KIF19: variants seen among roughly 807,000 people sequenced by gnomAD.
The protein encoded by KIF19 is kinesin-like protein KIF19.
A neutral mutation model predicts 106.6 loss-of-function variants in KIF19; 98 were observed. The observed-to-expected ratio is 0.92, with a 90% CI of 0.78 to 1.09. The LOEUF (loss-of-function observed/expected upper bound fraction) is 1.09, where lower values mean the gene tolerates loss of function less well. Among genes scored for constraint, KIF19 ranks in the 50% least tolerant of loss-of-function variants. KIF19 has a pLI of 0.00. For synonymous variants in KIF19, 516 were observed against 584.2 expected (o/e 0.88, Z 1.68); for missense variants, 1,373 against 1,414.3 (o/e 0.97, Z 0.47).
At chr17:74,345,021 A>G in intron 7 of KIF19, 66 bp downstream of exon 7, 2 of 1,439,164 alleles carry the variant, frequency 1.4e-6, no homozygotes, top group Non-Finnish European at 9.4e-7. Context: ...GAGGGCAGGA[A>G]TGGTGACTCC....
rs1340700733 is a variant in KIF19, at chr17:74,354,567, G to A, written c.2706+8G>A. 3.8e-6 allele frequency: 6 copies of A among 1,585,004 alleles called. No homozygotes were observed. Among genetic ancestry groups the A allele is most frequent in the East Asian group, 4.6e-5 (2 of 43,718 alleles). On this transcript the variant is annotated splice_region_variant and intron_variant, in intron 18 of 19. Coordinates refer to ENST00000389916, the MANE Select transcript of KIF19 (RefSeq NM_153209.4). ...GAGGTCACCGGGCAAGGGGTGAGGC[G>A]AGGCGCAGGGGTGGGTGTCTAGGCA...
chr17:74,340,910 T>A (rs1270385303), intron 2 of KIF19, among the ~76,000 whole-genome samples: 2 of 152,142 alleles, frequency 1.3e-5, no homozygotes, highest in African/African-American at 4.8e-5. Flanking sequence ...CAGAGCCTGG[T>A]TGGCACCCTG....
In KIF19 at chr17:74,353,541, C is replaced by T. The variant is rs539335273; in HGVS notation, c.2268C>T (p.Asp756=). Residue 756 remains aspartate, a synonymous_variant, in exon 17 of 20, where the codon GAC becomes GAT. Coordinates refer to ENST00000389916, the MANE Select transcript of KIF19 (RefSeq NM_153209.4). The part of the protein sequence containing the change: ...SLGSWINSSP[D]SSENLSEIPL... ...GCAGCTGGATCAACTCTTCCCCTGA[C>T]AGCAGTGAGAACCTGTCGGAGATCC... The T allele has an allele frequency of 5.0e-6, 8 of 1,613,892 alleles. No individual in the cohort carries two copies. The highest frequency in any genetic ancestry group is 1.3e-5 in the African/African-American group (1 of 75,058).
intron 2 of KIF19, among the ~76,000 whole-genome samples, chr17:74,338,211 T>C (rs1388804709): frequency 2.0e-5 from 3 of 152,214 alleles, no homozygotes; most frequent in East Asian, 3.9e-4. Flanking sequence ...AACACCGGCA[T>C]TGGGATGAGA....
At chr17:74,335,955 C>T (rs1026907299) in intron 2 of KIF19, among the ~76,000 whole-genome samples, 1 of 152,196 alleles carries the variant, frequency 6.6e-6, no homozygotes, top group Non-Finnish European at 1.5e-5. Context: ...TAGCAAAGTG[C>T]CACACACTGT....
chr17:74,345,667 G>C (rs1007648075), intron 7 of KIF19, among the ~76,000 whole-genome samples: 2 of 152,170 alleles, frequency 1.3e-5, no homozygotes, highest in African/African-American at 4.8e-5. Context: ...GCTGGCACTG[G>C]AACAAATGCA....
intron 2 of KIF19, among the ~76,000 whole-genome samples, chr17:74,330,277 C>A (rs1329534178): frequency 1.3e-5 from 2 of 152,188 alleles, no homozygotes; most frequent in South Asian, 4.1e-4. Context: ...CTTCCAGGAG[C>A]TTCAGTTGCC....
chr17:74,353,711 G>A (rs1048844230), intron 17 of KIF19, 130 bp downstream of exon 17: 5 of 740,020 alleles, frequency 6.8e-6, no homozygotes, highest in African/African-American at 3.5e-5. Flanking sequence ...TACACATTCT[G>A]TAGAGGCACC....
At chr17:74,335,665 G>T (rs1466554980) in intron 2 of KIF19, among the ~76,000 whole-genome samples, 1 of 152,288 alleles carries the variant, frequency 6.6e-6, no homozygotes, top group Non-Finnish European at 1.5e-5. Flanking sequence ...GGAGCCTGGA[G>T]CTGCAGCAGC....
chr17:74,353,558 C>T lies in KIF19; in HGVS notation c.2285C>T (p.Ser762Leu), dbSNP rs368925164. ...TCCCCTGACAGCAGTGAGAACCTGT[C>T]GGAGATCCCCTTGTCCCACAAAGGT... Reference protein sequence around the residue: ...NSSPDSSENLSEIPLSHKERK... With the variant: ...NSSPDSSENLLEIPLSHKERK... Residue 762 changes from serine (S) to leucine (L), a missense_variant, in exon 17 of 20, where the codon TCG (serine) becomes TTG (leucine). Coordinates refer to ENST00000389916, the MANE Select transcript of KIF19 (RefSeq NM_153209.4). The T allele has an allele frequency of 1.9e-5, 30 of 1,613,640 alleles. No individual in the cohort carries two copies. In the Admixed American group the frequency reaches 2.3e-4, roughly 13 times the overall value.
chr17:74,353,084 G>T, intron 15 of KIF19, 112 bp from the exon 16 acceptor site: 1 of 1,401,516 alleles, frequency 7.1e-7, no homozygotes, highest in Non-Finnish European at 9.9e-7. Flanking sequence ...CTGGAGCCAG[G>T]ACTCCTGGGT....
rs2054865628 is a variant in KIF19 at position 74,355,668 on chromosome 17, G to C, written c.*356G>C. ...ACGGGGCTCCTGGCCCACGTGTGGGGCACGGGCATCCTGGATGGTTGGGGA... is the reference window on the plus strand; with the variant it reads ...ACGGGGCTCCTGGCCCACGTGTGGGCCACGGGCATCCTGGATGGTTGGGGA... On this transcript the variant is annotated 3_prime_UTR_variant, in exon 20 of 20. Transcript: ENST00000389916. 1 of 201,412 alleles carries C rather than the reference G, an allele frequency of 5.0e-6. No homozygotes were observed. The highest frequency in any genetic ancestry group is 1.0e-5 in the Non-Finnish European group (1 of 100,482). 12.5% of individuals were successfully genotyped at this position (201,412 alleles called of 1,614,324 possible). A position where few individuals can be genotyped will look rare whatever the true frequency, so the allele number is the denominator to read the frequency against.
At chr17:74,353,854 C>T (rs1032398343) in intron 17 of KIF19, among the ~76,000 whole-genome samples, 9 of 152,208 alleles carry the variant, frequency 5.9e-5, no homozygotes, top group Admixed American at 2.0e-4. Context: ...CCCCCTCCCC[C>T]GCCGCCTCCG....
At position 74,346,091 on chromosome 17, in the gene KIF19, A is replaced by G. The variant is rs1339919557; in HGVS notation, c.778-287A>G. Among the ~76,000 whole-genome samples, 1 of 152,112 alleles carries G rather than the reference A, an allele frequency of 6.6e-6. No individual in the cohort carries two copies. The highest frequency in any genetic ancestry group is 1.5e-5 in the Non-Finnish European group (1 of 68,004). ...CTGCCTGGAAAGCAACCTCCCTCCC[A>G]TCTCATCCATGGCACTGTGTGTCAG... is the stretch of plus-strand genomic sequence containing the variant. On this transcript the variant is annotated intron_variant, in intron 7 of 19. Coordinates refer to ENST00000389916, the MANE Select transcript of KIF19 (RefSeq NM_153209.4). This position sits in a 1 kb window ranked among gnomAD's most constrained non-coding sequence, Gnocchi z 4.6.
intron 11 of KIF19, 28 bp from the exon 12 acceptor site, chr17:74,350,679 C>A: frequency 6.2e-7 from 1 of 1,612,964 alleles, no homozygotes; most frequent in Non-Finnish European, 8.5e-7. Flanking sequence ...GCCTGAATGC[C>A]CTGTCTCTCT....
intron 2 of KIF19, among the ~76,000 whole-genome samples, chr17:74,339,952 G>A (rs942611558): frequency 6.6e-6 from 1 of 152,150 alleles, no homozygotes; most frequent in South Asian, 2.1e-4. Flanking sequence ...TCATGGGTGC[G>A]GGGAACAGGT....
Position 74,332,198 on chromosome 17 carries a change from GTGTGTGTGTGTT to G in KIF19, c.120+3705_120+3716del, listed in dbSNP as rs1276891385. On this transcript the variant is annotated intron_variant, in intron 2 of 19. Coordinates refer to ENST00000389916, the MANE Select transcript of KIF19 (RefSeq NM_153209.4). ...CACCTCAGTGTGTGTGTGTGTGTGTGTGTGTGTGTGTTTGTGTGTGTGTGTGTGTGTGTGTGT... is the reference window on the plus strand; with the variant it reads ...CACCTCAGTGTGTGTGTGTGTGTGTGTGTGTGTGTGTGTGTGTGTGTGTGT... 2.0e-3 allele frequency among the ~76,000 whole-genome samples: 138 copies of G among 70,292 alleles called. 1 individual carries two copies. Among genetic ancestry groups the G allele is most frequent in the African/African-American group, 5.3e-3 (92 of 17,468 alleles). The allele number at this position is 70,292 out of a possible 152,430, so 46.1% of individuals were successfully genotyped here.
chr17:74,353,399 GGCACCA>G, intron 16 of KIF19, 89 bp from the exon 17 acceptor site: 1 of 1,452,038 alleles, frequency 6.9e-7, no homozygotes, highest in East Asian at 2.4e-5. Context: ...TTTCCCAAAC[GGCACCA>G]GCTTGAGGCC....
At chr17:74,330,599 G>A (rs1313878658) in intron 2 of KIF19, among the ~76,000 whole-genome samples, 1 of 152,208 alleles carries the variant, frequency 6.6e-6, no homozygotes, top group African/African-American at 2.4e-5. Context: ...TGGCCTGCGT[G>A]GGGGCTGATA....
Sources: gnomAD v4.1 joint callset for allele counts (sites outside exome capture counted in the v4.1 genomes callset) on GRCh38, gnomAD v4.1.1 for gene constraint, Gnocchi (gnomAD v3.1) non-coding constraint, MANE v1.5 for transcripts, NCBI Gene and HGNC (gene_info 2026-07-23, HGNC 2026-07-21) for gene names.